PSCA: variants seen among roughly 807,000 people sequenced by gnomAD.
PSCA encodes prostate stem cell antigen.
Under a neutral mutation model 7.9 loss-of-function variants are expected in PSCA, and 7 were observed. The ratio of observed to expected loss-of-function variants is 0.89; its 90% CI spans 0.51 to 1.67. The LOEUF is 1.67. Among genes scored for constraint, PSCA ranks in the 40% most tolerant of loss-of-function variants. The probability of loss-of-function intolerance (pLI) is 0.00; values close to 1 mark genes in which losing one functional copy is unlikely to be tolerated. For missense variants in PSCA, 151 were observed against 147.9 expected (o/e 1.02, Z -0.11); for synonymous variants, 61 against 68.3 (o/e 0.89, Z 0.53).
Position 142,681,551 on chromosome 8 carries a change from CGCACCT to C in PSCA, c.133+123_133+128del, listed in dbSNP as rs1563805563. On this transcript the variant is annotated intron_variant, in intron 2 of 2. Transcript: ENST00000301258. ...CCTTCCACCTGTCCCCGACCCGTCC[CGCACCT>C]GCACCCCCAACAATCACCCAGCATC... 8.3e-6 allele frequency: 7 copies of C among 845,460 alleles called. No individual in the cohort carries two copies. The Admixed American group carries it at 1.2e-4, about 15-fold the overall frequency. The allele number at this position is 845,460 out of a possible 1,614,324, so 52.4% of individuals were successfully genotyped here. A position where few individuals can be genotyped will look rare whatever the true frequency, so the allele number is the denominator to read the frequency against.
chr8:142,681,533 C>A, intron 2 of PSCA, 99 bp downstream of exon 2: 1 of 1,131,334 alleles, frequency 8.8e-7, no homozygotes, highest in Non-Finnish European at 1.3e-6. Context: ...TTTCCTTCCA[C>A]CTGTCCCCGA....
intron 1 of PSCA, among the ~76,000 whole-genome samples, chr8:142,672,069 C>A (rs781273070): frequency 4.6e-5 from 7 of 152,162 alleles, no homozygotes; most frequent in Non-Finnish European, 1.0e-4. Flanking sequence ...GAAATCCAGA[C>A]TCCTATGTGC....
chr8:142,680,552 C>T lies in PSCA; in HGVS notation c.14C>T (p.Ala5Val). MAGL[A>V]LQPGTALLCY... The stretch of plus-strand genomic sequence containing the variant: ...CTTGCCCTGTTGATGGCAGGCTTGG[C>T]CCTGCAGCCAGGTGAGGCCTTGGCT... The change falls in exon 1 of 3, where the codon GCC becomes GTC. Residue 5 changes from alanine (A) to valine (V), a missense_variant. Physicochemically the swap from Ala to Val is moderately conservative, Grantham distance 64. Transcript: ENST00000301258. 6.4e-7 allele frequency: 1 copy of T among 1,554,086 alleles called. No homozygotes were observed. The highest frequency in any genetic ancestry group is 8.7e-7 in the Non-Finnish European group (1 of 1,148,372).
chr8:142,681,717 G>C, intron 2 of PSCA: 1 of 605,546 alleles, frequency 1.7e-6, no homozygotes, highest in Admixed American at 2.9e-5. Flanking sequence ...CATTTCTGAC[G>C]CTCAGCGGGT....
At chr8:142,677,223 G>C (rs1847409843), upstream of PSCA, among the ~76,000 whole-genome samples, 1 of 152,186 alleles carries the variant, frequency 6.6e-6, no homozygotes, top group South Asian at 2.1e-4. Flanking sequence ...GAATGTCACA[G>C]CCATGGTCTT....
intron 1 of PSCA, 198 bp downstream of exon 1, chr8:142,680,761 C>G (rs1554638232): frequency 4.3e-6 from 3 of 697,134 alleles, no homozygotes; most frequent in African/African-American, 3.6e-5. Context: ...CTGCCGTCCC[C>G]TGTGACCGGG....
At chr8:142,675,295 G>A (rs1847386134) in intron 1 of PSCA, among the ~76,000 whole-genome samples, 1 of 152,212 alleles carries the variant, frequency 6.6e-6, no homozygotes, top group Non-Finnish European at 1.5e-5. Context: ...GTGGGGCAGG[G>A]GCTGGGGCAG....
chr8:142,680,858 T>C, intron 1 of PSCA: 1 of 556,962 alleles, frequency 1.8e-6, no homozygotes, highest in African/African-American at 1.9e-5. Context: ...GACTGACGGA[T>C]GGATGGGCAG....
rs1439349097 is a variant in PSCA, at chr8:142,681,412, G to GCAGT, written c.112_115dup (p.Cys39SerfsTer27). On this transcript the variant is annotated frameshift_variant, in exon 2 of 3. Coordinates refer to ENST00000301258, the MANE Select transcript of PSCA (RefSeq NM_005672.5). LOFTEE classifies it low-confidence loss of function (END_TRUNC). ...TGGAGAACTGCACCCAGCTGGGGGA[G>GCAGT]CAGTGCTGGACCGCGCGCATCCGTG... The GCAGT allele has an allele frequency of 2.5e-6, 4 of 1,592,690 alleles. No individual in the cohort carries two copies. The highest frequency in any genetic ancestry group is 3.4e-6 in the Non-Finnish European group (4 of 1,169,996).
At chr8:142,670,337 G>A (rs913387671) in exon 1 of PSCA, 15 of 152,370 alleles carry the variant, frequency 9.8e-5, no homozygotes, top group African/African-American at 3.6e-4. Flanking sequence ...AAGGCGTTGG[G>A]GCTCCTGCAG....
chr8:142,680,640 C>T, intron 1 of PSCA, 77 bp downstream of exon 1: 1 of 1,510,076 alleles, frequency 6.6e-7, no homozygotes, highest in Non-Finnish European at 9.0e-7. Flanking sequence ...CTGCAGGGCA[C>T]ACGGAGAGGA....
At position 142,673,461 on chromosome 8, in the gene PSCA, C is replaced by T. The variant is rs1053233679; in HGVS notation, n.261+2893C>T. Among the ~76,000 whole-genome samples, 4 of 152,150 alleles carry T rather than the reference C, an allele frequency of 2.6e-5. No homozygotes were observed. Among genetic ancestry groups the T allele is most frequent in the East Asian group, 1.9e-4 (1 of 5,180 alleles). ...GAAAGAGAGGAAGAAAATACACTAGCGTGTAATCACCCAGTGGGTTCATTT... is the reference window on the plus strand; with the variant it reads ...GAAAGAGAGGAAGAAAATACACTAGTGTGTAATCACCCAGTGGGTTCATTT... On this transcript the variant is annotated intron_variant and non_coding_transcript_variant, in intron 1 of 1. Coordinates refer to the PSCA transcript ENST00000505305. The surrounding 1 kb of genome is among the most constrained non-coding windows in gnomAD (Gnocchi z 4.6).
Position 142,674,163 on chromosome 8 carries a change from G to A in PSCA, n.261+3595G>A, listed in dbSNP as rs1310885057. ...CCCATCTTCCTAATGAATAACGGCT[G>A]GGAATCGTTTCAGTCTAACCTCTGC... is the stretch of plus-strand genomic sequence containing the variant. On this transcript the variant is annotated intron_variant and non_coding_transcript_variant, in intron 1 of 1. Transcript: ENST00000505305. Among the ~76,000 whole-genome samples, 5 of 149,318 alleles carry A rather than the reference G, an allele frequency of 3.3e-5. No homozygotes were observed. In the South Asian group the frequency reaches 1.1e-3, roughly 32 times the overall value.
Position 142,682,056 on chromosome 8 carries a change from C to T in PSCA, c.269C>T (p.Ala90Val). The change falls in exon 3 of 3, where the codon GCC becomes GTC. Residue 90 changes from alanine to valine, a missense_variant. Physicochemically the swap from Ala to Val is moderately conservative, Grantham distance 64. Coordinates refer to ENST00000301258, the MANE Select transcript of PSCA (RefSeq NM_005672.5). ...TDLCNASGAH[A>V]LQPAAAILAL... is the part of the protein sequence containing the mutation. ...TTGTGCAACGCCAGCGGGGCCCATG[C>T]CCTGCAGCCGGCTGCTGCCATCCTT... is the stretch of plus-strand genomic sequence containing the variant. The T allele has an allele frequency of 6.2e-7, 1 of 1,611,514 alleles. No homozygotes were observed.
upstream of PSCA, among the ~76,000 whole-genome samples, chr8:142,675,574 G>A (rs1453842045): frequency 2.6e-5 from 4 of 152,146 alleles, no homozygotes; most frequent in South Asian, 2.1e-4. Flanking sequence ...ACACACAACC[G>A]GTGCACACAC....
intron 1 of PSCA, among the ~76,000 whole-genome samples, chr8:142,671,880 C>T (rs1847335546): frequency 6.6e-6 from 1 of 152,170 alleles, no homozygotes; most frequent in South Asian, 2.1e-4. Flanking sequence ...CCCTCCCACC[C>T]TCTGGTTCTT....
intron 2 of PSCA, 64 bp downstream of exon 2, chr8:142,681,498 C>A: frequency 2.8e-6 from 4 of 1,425,472 alleles, no homozygotes; most frequent in Non-Finnish European, 3.9e-6. Context: ...ATCTTTCTGG[C>A]CATCTGTCCG....
At position 142,682,073 on chromosome 8, in the gene PSCA, G is replaced by A. The variant is rs781934108; in HGVS notation, c.286G>A (p.Ala96Thr). ...GGCCCATGCCCTGCAGCCGGCTGCT[G>A]CCATCCTTGCGCTGCTCCCTGCACT... is the stretch of plus-strand genomic sequence containing the variant. ...SGAHALQPAA[A>T]ILALLPALGL... The change falls in exon 3 of 3, where the codon GCC (alanine) becomes ACC (threonine). Residue 96 changes from alanine (A) to threonine (T), a missense_variant. Transcript: ENST00000301258. 7 of 1,608,148 alleles carry A rather than the reference G, an allele frequency of 4.4e-6. No homozygotes were observed. Among genetic ancestry groups the A allele is most frequent in the East Asian group, 2.2e-5 (1 of 44,882 alleles).
At chr8:142,680,600 A>G (rs1847450969) in intron 1 of PSCA, 37 bp downstream of exon 1, 2 of 1,553,004 alleles carry the variant, frequency 1.3e-6, no homozygotes, top group Middle Eastern at 1.7e-4. Context: ...GGAAGGGAGC[A>G]GGGGTGAGCC....
Sources: gnomAD v4.1 joint callset for allele counts (sites outside exome capture counted in the v4.1 genomes callset) on GRCh38, gnomAD v4.1.1 for gene constraint, Gnocchi (gnomAD v3.1) non-coding constraint, MANE v1.5 for transcripts, NCBI Gene and HGNC (gene_info 2026-07-23, HGNC 2026-07-21) for gene names.